Variants in FSTL4 observed in about 807,000 individuals in gnomAD.
FSTL4 encodes the protein follistatin-related protein 4.
Under a neutral mutation model 78.2 loss-of-function variants are expected in FSTL4, and 28 were observed. That is an observed-to-expected ratio of 0.36 (90% CI 0.27 to 0.49). The LOEUF (loss-of-function observed/expected upper bound fraction) is 0.49, where lower values mean the gene tolerates loss of function less well. FSTL4 is among the 20% of genes least tolerant of loss of function. The probability of loss-of-function intolerance (pLI) is 0.98; values close to 1 mark genes in which losing one functional copy is unlikely to be tolerated. For synonymous variants in FSTL4, 422 were observed against 440.5 expected, an observed-to-expected ratio of 0.96 and a Z score of 0.53; for missense variants, 922 against 1,084.9, an observed-to-expected ratio of 0.85 and a Z score of 2.11.
In FSTL4 at chr5:133,249,871, G is replaced by A. The variant is rs76001462; in HGVS notation, c.728-295C>T. On this transcript the variant is annotated intron_variant, in intron 6 of 15. Transcript: ENST00000265342. ...GATTTGTGTCAAGCCAAGAATGTGG[G>A]CTGCGAAGGCCAGGGGGCCCACCAC... Among the ~76,000 whole-genome samples, 1,245 of 152,352 alleles carry A rather than the reference G, an allele frequency of 8.2e-3. 16 individuals are homozygous for A. Among genetic ancestry groups the A allele is most frequent in the African/African-American group, 0.028 (1,173 of 41,584 alleles).
chr5:133,348,518 C>G (rs1754749118), intron 4 of FSTL4, among the ~76,000 whole-genome samples: 1 of 152,218 alleles, frequency 6.6e-6, no homozygotes, highest in African/African-American at 2.4e-5. Context: ...GTGGGGGTCC[C>G]AGGATGCCAT....
At chr5:133,546,923 G>A (rs984498566) in intron 3 of FSTL4, among the ~76,000 whole-genome samples, 2 of 152,152 alleles carry the variant, frequency 1.3e-5, no homozygotes, top group Non-Finnish European at 2.9e-5. Flanking sequence ...AAGAGATATG[G>A]GGGCATGGCT....
chr5:133,413,105 T>A (rs1388815688), intron 3 of FSTL4, among the ~76,000 whole-genome samples: 3 of 152,194 alleles, frequency 2.0e-5, no homozygotes, highest in Non-Finnish European at 4.4e-5. Context: ...TCTCAAATTT[T>A]AAAATGTATA....
At chr5:133,375,311 TAA>T (rs1281825007) in intron 4 of FSTL4, among the ~76,000 whole-genome samples, 1 of 138,456 alleles carries the variant, frequency 7.2e-6, no homozygotes, top group African/African-American at 2.6e-5. Flanking sequence ...TATATATATA[TAA>T]AAGACTCTAA....
At chr5:133,308,631 C>T (rs1753707445) in intron 6 of FSTL4, among the ~76,000 whole-genome samples, 1 of 152,220 alleles carries the variant, frequency 6.6e-6, no homozygotes, top group Non-Finnish European at 1.5e-5. Context: ...AACGAAACTG[C>T]ACCATCCCTT....
the FSTL4 span, among the ~76,000 whole-genome samples, chr5:133,627,151 CTTTTTTTTT>C: frequency 4.3e-5 from 4 of 93,020 alleles, no homozygotes; most frequent in South Asian, 8.0e-4. Flanking sequence ...CTCTGTGTCT[CTTTTTTTTT>C]TTTTTTTTTT....
Position 133,338,925 on chromosome 5 carries a change from AC to A in FSTL4, c.410-22274del. Among the ~76,000 whole-genome samples the A allele has an allele frequency of 6.6e-6, 1 of 151,192 alleles. No homozygotes were observed. The highest frequency in any genetic ancestry group is 2.0e-4 in the East Asian group (1 of 5,120). ...TGCTGTAGTTCAGGAAGCCATTAACACCCCCGGATGACCACTATGCCTCCGA... is the reference window on the plus strand; with the variant it reads ...TGCTGTAGTTCAGGAAGCCATTAACACCCCGGATGACCACTATGCCTCCGA... On this transcript the variant is annotated intron_variant, in intron 4 of 15. Coordinates refer to ENST00000265342, the MANE Select transcript of FSTL4 (RefSeq NM_015082.2). The surrounding 1 kb of genome is among the most constrained non-coding windows in gnomAD (Gnocchi z 4.0).
the FSTL4 span, among the ~76,000 whole-genome samples, chr5:133,834,327 A>G: frequency 2.0e-5 from 3 of 152,226 alleles, no homozygotes; most frequent in African/African-American, 4.8e-5. Flanking sequence ...AAAAAAATGG[A>G]TAAGCACAAG....
At chr5:133,238,684 CGTG>C (rs1373347599) in intron 7 of FSTL4, among the ~76,000 whole-genome samples, 2 of 152,246 alleles carry the variant, frequency 1.3e-5, no homozygotes, top group African/African-American at 4.8e-5. Flanking sequence ...TACATGGACA[CGTG>C]GTACACATGA....
the FSTL4 span, among the ~76,000 whole-genome samples, chr5:133,776,738 G>A: frequency 6.6e-6 from 1 of 152,160 alleles, no homozygotes; most frequent in Non-Finnish European, 1.5e-5. Context: ...TAACAAAATG[G>A]TTTGCAGGCT....
intron 1 of FSTL4, among the ~76,000 whole-genome samples, chr5:133,605,962 G>A (rs373644201): frequency 1.3e-5 from 2 of 152,146 alleles, no homozygotes; most frequent in East Asian, 3.9e-4. Context: ...TGTGAGGACT[G>A]CGGCAGTCAC....
intron 8 of FSTL4, among the ~76,000 whole-genome samples, chr5:133,227,158 G>A (rs1447660598): frequency 6.6e-6 from 1 of 152,132 alleles, no homozygotes; most frequent in Non-Finnish European, 1.5e-5. Flanking sequence ...ATGAGCTCAG[G>A]GCACCCAATG....
rs145031418 is a variant in FSTL4, at chr5:133,324,789, A to T, written c.410-8137T>A. ...CCCTGAAGAGGAGACAATCCCAGCC[A>T]CCCTGCACCATGGTGACGGGTCTGG... On this transcript the variant is annotated intron_variant, in intron 4 of 15. Coordinates refer to ENST00000265342, the MANE Select transcript of FSTL4 (RefSeq NM_015082.2). Among the ~76,000 whole-genome samples, 13 of 152,336 alleles carry T rather than the reference A, an allele frequency of 8.5e-5. No individual in the cohort carries two copies. In the East Asian group the frequency reaches 2.5e-3, roughly 29 times the overall value.
chr5:133,507,450 T>C (rs186604196), intron 3 of FSTL4, among the ~76,000 whole-genome samples: 37 of 152,034 alleles, frequency 2.4e-4, no homozygotes, highest in African/African-American at 7.2e-4. Flanking sequence ...TTTTTGAAAG[T>C]AACTACGTAC....
At chr5:133,628,670 GT>G in the FSTL4 span, among the ~76,000 whole-genome samples, 1 of 151,836 alleles carries the variant, frequency 6.6e-6, no homozygotes, top group African/African-American at 2.4e-5. Flanking sequence ...ACCAGGAGCT[GT>G]TTTTTTGAAA....
At chr5:133,749,375 C>T in the FSTL4 span, among the ~76,000 whole-genome samples, 1 of 152,190 alleles carries the variant, frequency 6.6e-6, no homozygotes, top group African/African-American at 2.4e-5. Flanking sequence ...CACCAACCAG[C>T]CTATTATTTT....
At chr5:133,403,915 A>G (rs1183775090) in intron 3 of FSTL4, among the ~76,000 whole-genome samples, 1 of 152,170 alleles carries the variant, frequency 6.6e-6, no homozygotes, top group Non-Finnish European at 1.5e-5. Flanking sequence ...AGCGTCACAC[A>G]GGGCAGCAGG....
At chr5:133,603,299 G>A (rs1223546889) in intron 2 of FSTL4, among the ~76,000 whole-genome samples, 3 of 152,228 alleles carry the variant, frequency 2.0e-5, no homozygotes, top group African/African-American at 7.2e-5. Flanking sequence ...ACTCTCCAGG[G>A]AGGTATTTGA....
At chr5:133,482,700 G>A (rs954723764) in intron 3 of FSTL4, among the ~76,000 whole-genome samples, 2 of 152,216 alleles carry the variant, frequency 1.3e-5, no homozygotes, top group Admixed American at 1.3e-4. Context: ...GGGTGTGCAG[G>A]TAAGGAGAAG....
Sources: allele counts gnomAD v4.1 joint callset (sites outside exome capture counted in the v4.1 genomes callset), GRCh38; gene constraint gnomAD v4.1.1; non-coding constraint Gnocchi (gnomAD v3.1); transcripts MANE v1.5; gene names NCBI Gene and HGNC (gene_info 2026-07-23, HGNC 2026-07-21).